FOXP1: variants seen among roughly 807,000 people sequenced by gnomAD.
FOXP1 encodes the protein forkhead box P1.
FOXP1 carries 15 observed loss-of-function variants against 98.2 expected under a neutral mutation model. That is an observed-to-expected ratio of 0.15 (90% CI 0.10 to 0.24). FOXP1 has a LOEUF of 0.24. FOXP1 is among the 10% of genes least tolerant of loss of function. FOXP1 has a pLI of 1.00. For missense variants in FOXP1, 633 were observed against 848.5 expected, an observed-to-expected ratio of 0.75 and a Z score of 3.15; for synonymous variants, 371 against 314.5, an observed-to-expected ratio of 1.18 and a Z score of -1.90.
intron 3 of FOXP1, among the ~76,000 whole-genome samples, chr3:71,404,772 C>T (rs1409276581): frequency 6.6e-6 from 1 of 152,116 alleles, no homozygotes; most frequent in East Asian, 1.9e-4. Context: ...TACCATTTTA[C>T]CCCACACAGA....
At chr3:71,517,153 C>T (rs2042638217) in intron 2 of FOXP1, among the ~76,000 whole-genome samples, 1 of 151,782 alleles carries the variant, frequency 6.6e-6, no homozygotes, top group African/African-American at 2.4e-5. Flanking sequence ...TTATGTCTTA[C>T]TTTTGCTAAA....
intron 2 of FOXP1, among the ~76,000 whole-genome samples, chr3:71,537,457 G>A (rs2044396375): frequency 6.6e-6 from 1 of 152,236 alleles, no homozygotes; most frequent in South Asian, 2.1e-4. Context: ...GGAAGATGCA[G>A]GATAATGAAT....
rs1491387727 is a variant in FOXP1, at chr3:71,380,697, CAT to C, written c.-167-21455_-167-21454del. ...ACAGTTTGACTATACTCTTTTTAGACATTTTTTTTTTTTTTTTTTTTTGCAAA... is the reference window on the plus strand; with the variant it reads ...ACAGTTTGACTATACTCTTTTTAGACTTTTTTTTTTTTTTTTTTTTGCAAA... On this transcript the variant is annotated intron_variant, in intron 3 of 20. Coordinates refer to ENST00000649528, the MANE Select transcript of FOXP1 (RefSeq NM_001349338.3). Among the ~76,000 whole-genome samples, 3 of 91,608 alleles carry C rather than the reference CAT, an allele frequency of 3.3e-5. No homozygotes were observed. In the East Asian group the frequency reaches 1.6e-3, roughly 49 times the overall value. The allele number at this position is 91,608 out of a possible 152,430, so 60.1% of individuals were successfully genotyped here. A position where few individuals can be genotyped will look rare whatever the true frequency, so the allele number is the denominator to read the frequency against.
rs550938561 is a variant in FOXP1, at chr3:71,394,890, C to T, written c.-167-35646G>A. On this transcript the variant is annotated intron_variant, in intron 3 of 20. Coordinates refer to ENST00000649528, the MANE Select transcript of FOXP1 (RefSeq NM_001349338.3). ...CCGAGACGGGCAGATCACCTGAGGTCGGGAGTTCGAGACCAGCCTGACCAA... is the reference window on the plus strand; with the variant it reads ...CCGAGACGGGCAGATCACCTGAGGTTGGGAGTTCGAGACCAGCCTGACCAA... 1.1e-4 allele frequency among the ~76,000 whole-genome samples: 16 copies of T among 152,056 alleles called. No individual in the cohort carries two copies. In the East Asian group the frequency reaches 2.9e-3, roughly 28 times the overall value.
intron 6 of FOXP1, among the ~76,000 whole-genome samples, chr3:71,120,652 G>GA (rs1443325789): frequency 3.3e-5 from 5 of 152,184 alleles, no homozygotes; most frequent in Non-Finnish European, 5.9e-5. Context: ...CCTAACTGCA[G>GA]AGGAGTTACA....
chr3:71,582,335 C>G (rs1476992306), intron 1 of FOXP1: 3 of 966,802 alleles, frequency 3.1e-6, no homozygotes, highest in East Asian at 1.2e-4. Flanking sequence ...AGCAAATGAC[C>G]GCGACCCCGC....
chr3:71,076,256 T>C (rs1190322377), intron 7 of FOXP1, among the ~76,000 whole-genome samples: 2 of 152,176 alleles, frequency 1.3e-5, no homozygotes, highest in African/African-American at 2.4e-5. Context: ...AGGCCTACTT[T>C]AAGATTATTT....
intron 3 of FOXP1, among the ~76,000 whole-genome samples, chr3:71,421,029 C>T (rs773720460): frequency 3.9e-5 from 6 of 152,202 alleles, no homozygotes; most frequent in Middle Eastern, 3.4e-3. Context: ...AATGTCAGAA[C>T]GCCACAAAGC....
intron 13 of FOXP1, among the ~76,000 whole-genome samples, chr3:70,992,766 G>A (rs1215425857): frequency 6.6e-6 from 1 of 152,158 alleles, no homozygotes; most frequent in Non-Finnish European, 1.5e-5. Context: ...TGCTCCCAGA[G>A]TAAGGCAGGA....
At chr3:71,057,290 A>ATTTTTTTTTTTTT (rs2050789349) in intron 7 of FOXP1, among the ~76,000 whole-genome samples, 1 of 12,834 alleles carries the variant, frequency 7.8e-5, no homozygotes, top group Non-Finnish European at 5.1e-4. Context: ...TAAAAACGAA[A>ATTTTTTTTTTTTT]CTTTTTTTTT....
At position 71,238,868 on chromosome 3, in the gene FOXP1, T is replaced by C. The variant is rs1456482002; in HGVS notation, c.-11-40476A>G. Among the ~76,000 whole-genome samples, 6 of 152,238 alleles carry C rather than the reference T, an allele frequency of 3.9e-5. No homozygotes were observed. The East Asian group carries it at 1.2e-3, about 29-fold the overall frequency. Reference sequence around the variant, plus strand: ...GAGGTTTACAATCTCAACATCATCATGTATATTTAATAGCTTTACACTTTA... The same window carrying C: ...GAGGTTTACAATCTCAACATCATCACGTATATTTAATAGCTTTACACTTTA... On this transcript the variant is annotated intron_variant, in intron 5 of 20. Transcript: ENST00000649528.
Position 71,123,290 on chromosome 3 carries a change from C to T in FOXP1, c.181-10653G>A, listed in dbSNP as rs925599848. ...TCCTGTGTTTCTACTGTTGTGATGG[C>T]AAACTCCAAGCAGGCGGACAGGAAG... is the stretch of plus-strand genomic sequence containing the variant. On this transcript the variant is annotated intron_variant, in intron 6 of 20. Coordinates refer to ENST00000649528, the MANE Select transcript of FOXP1 (RefSeq NM_001349338.3). Among the ~76,000 whole-genome samples, 3 of 152,160 alleles carry T rather than the reference C, an allele frequency of 2.0e-5. No individual in the cohort carries two copies. The South Asian group carries it at 6.2e-4, about 32-fold the overall frequency.
chr3:71,360,144 T>A (rs759962162), intron 3 of FOXP1, among the ~76,000 whole-genome samples: 1 of 152,138 alleles, frequency 6.6e-6, no homozygotes, highest in Non-Finnish European at 1.5e-5. Flanking sequence ...TGCTAATACA[T>A]CCTGAGAAAT....
chr3:71,419,921 T>C (rs1224086950), intron 3 of FOXP1, among the ~76,000 whole-genome samples: 1 of 151,986 alleles, frequency 6.6e-6, no homozygotes, highest in African/African-American at 2.4e-5. Context: ...TTCAAGTGAT[T>C]CTCGTGCCTC....
chr3:71,116,135 C>T (rs2058359718), intron 6 of FOXP1, among the ~76,000 whole-genome samples: 1 of 152,210 alleles, frequency 6.6e-6, no homozygotes, highest in Non-Finnish European at 1.5e-5. Flanking sequence ...TGAGCTGGCT[C>T]TACAGAATGA....
At chr3:71,047,188 C>A in intron 9 of FOXP1, 93 bp from the exon 10 acceptor site, 2 of 1,440,270 alleles carry the variant, frequency 1.4e-6, no homozygotes, top group Non-Finnish European at 2.0e-6. Flanking sequence ...TCATCAAATG[C>A]TGAGAATGGT....
At chr3:71,033,697 G>A (rs1307800100) in intron 11 of FOXP1, among the ~76,000 whole-genome samples, 1 of 151,276 alleles carries the variant, frequency 6.6e-6, no homozygotes, top group Non-Finnish European at 1.5e-5. Context: ...CTCCCTGCAT[G>A]TGTGAATGAC....
chr3:71,219,531 G>A (rs2065197628), intron 5 of FOXP1, among the ~76,000 whole-genome samples: 1 of 152,158 alleles, frequency 6.6e-6, no homozygotes, highest in South Asian at 2.1e-4. Flanking sequence ...TTAACCGTAA[G>A]TTTTATGAAA....
At chr3:71,151,126 T>TGC (rs1484261018) in intron 6 of FOXP1, among the ~76,000 whole-genome samples, 1 of 152,238 alleles carries the variant, frequency 6.6e-6, no homozygotes, top group Admixed American at 6.5e-5. Context: ...AAAGAGCCAG[T>TGC]TATTTAACTC....
Sources: gnomAD v4.1 joint callset for allele counts (sites outside exome capture counted in the v4.1 genomes callset) on GRCh38, gnomAD v4.1.1 for gene constraint, MANE v1.5 for transcripts, NCBI Gene and HGNC (gene_info 2026-07-23, HGNC 2026-07-21) for gene names.